KDM6A: variants seen among roughly 807,000 people sequenced by gnomAD.
KDM6A encodes the protein lysine-specific demethylase 6A.
KDM6A carries 11 observed loss-of-function variants against 117.6 expected under a neutral mutation model. That is an observed-to-expected ratio of 0.09 (90% CI 0.06 to 0.15). The LOEUF (loss-of-function observed/expected upper bound fraction) is 0.15, where lower values mean the gene tolerates loss of function less well. KDM6A is among the 10% of genes least tolerant of loss of function. The pLI is 1.00. For missense variants in KDM6A, 799 were observed against 1,077.3 expected (o/e 0.74, Z 3.62); for synonymous variants, 384 against 396.1 (o/e 0.97, Z 0.36).
At chrX:44,966,375 T>A (rs935113260) in intron 3 of KDM6A, among the ~76,000 whole-genome samples, 1 of 111,062 alleles carries the variant, frequency 9.0e-6, no homozygotes, top group Non-Finnish European at 1.9e-5. Context: ...ACCCCTGGGC[T>A]CCAGCGATCC....
At chrX:45,054,132 GT>G (rs928489295) in intron 10 of KDM6A, among the ~76,000 whole-genome samples, 177 bp downstream of exon 10, 1 of 111,920 alleles carries the variant, frequency 8.9e-6, no homozygotes, top group African/African-American at 3.2e-5. Flanking sequence ...AAATATGGTG[GT>G]TTTTTTATAG....
At chrX:45,107,577 C>A (rs2148290851) in intron 28 of KDM6A, 41 bp downstream of exon 28, 1 of 1,182,859 alleles carries the variant, frequency 8.5e-7, no homozygotes, top group Admixed American at 2.2e-5. Context: ...TATAAAGCCT[C>A]TTCCCTCTCC....
chrX:45,009,239 T>C (rs1402866567), intron 4 of KDM6A, among the ~76,000 whole-genome samples: 4 of 112,413 alleles, frequency 3.6e-5, no homozygotes, highest in Admixed American at 1.9e-4. Context: ...GGTGAATTAT[T>C]CATTAGTTTT....
chrX:45,082,177 G>A (rs185846502), intron 21 of KDM6A, among the ~76,000 whole-genome samples: 3 of 110,556 alleles, frequency 2.7e-5, no homozygotes, highest in Non-Finnish European at 3.8e-5. Context: ...GGTGATTCAC[G>A]CCTGTAATCC....
At chrX:45,096,049 A>G (rs2046093492) in intron 27 of KDM6A, among the ~76,000 whole-genome samples, 1 of 111,622 alleles carries the variant, frequency 9.0e-6, no homozygotes, top group African/African-American at 3.3e-5. Flanking sequence ...CCTTTGAATC[A>G]TCTTTTAATA....
intron 2 of KDM6A, among the ~76,000 whole-genome samples, chrX:44,958,671 G>A (rs1392342158): frequency 3.5e-5 from 3 of 86,194 alleles, no homozygotes; most frequent in African/African-American, 1.5e-4. Flanking sequence ...ACATGTGCCC[G>A]TAGACTTTCT....
At chrX:45,056,361 G>A (rs1384546309) in intron 10 of KDM6A, among the ~76,000 whole-genome samples, 1 of 111,547 alleles carries the variant, frequency 9.0e-6, no homozygotes, top group Non-Finnish European at 1.9e-5. Context: ...GAAATTTTGG[G>A]GTTTGATGAC....
intron 6 of KDM6A, among the ~76,000 whole-genome samples, chrX:45,025,477 T>C (rs1034347407): frequency 2.7e-5 from 3 of 112,641 alleles, no homozygotes; most frequent in Admixed American, 1.9e-4. Context: ...TCAGGACTTT[T>C]ATTTCATTAT....
chrX:45,003,858 T>TCTCTCTCCC (rs1185983898), intron 4 of KDM6A, among the ~76,000 whole-genome samples: 1 of 102,593 alleles, frequency 9.7e-6, no homozygotes, highest in Non-Finnish European at 2.0e-5. Flanking sequence ...TGCCTTCTCC[T>TCTCTCTCCC]CTCTCTCCCC....
chrX:45,054,742 T>A (rs1396920885), intron 10 of KDM6A, among the ~76,000 whole-genome samples: 1 of 112,135 alleles, frequency 8.9e-6, no homozygotes, highest in East Asian at 2.8e-4. Flanking sequence ...CTGATTCAGC[T>A]ACTGTTTGTG....
intron 3 of KDM6A, among the ~76,000 whole-genome samples, chrX:44,969,615 A>G (rs1435387747): frequency 9.2e-6 from 1 of 108,573 alleles, no homozygotes; most frequent in Non-Finnish European, 1.9e-5. Context: ...ACAGGGTTTC[A>G]CCGTGTTAGC....
In KDM6A at chrX:45,107,416, T is replaced by C. The variant is rs2148287678; in HGVS notation, c.4041T>C (p.Cys1347=). The change falls in exon 28 of 30, where the codon TGT becomes TGC. Residue 1347 remains cysteine (C), a synonymous_variant. Coordinates refer to ENST00000611820, the MANE Select transcript of KDM6A (RefSeq NM_001291415.2). ...AATTTCTCCCCCACAATAGGTATTG[T>C]CTTCTAAGAACTCTGAAGCAATGTC... ...DPKLFEMIKY[C]LLRTLKQCQT... 8.3e-7 allele frequency: 1 copy of C among 1,208,441 alleles called. No homozygotes were observed. Among genetic ancestry groups the C allele is most frequent in the Non-Finnish European group, 1.1e-6 (1 of 892,522 alleles).
intron 8 of KDM6A, among the ~76,000 whole-genome samples, chrX:45,040,786 C>T (rs1387940794): frequency 9.6e-5 from 7 of 73,056 alleles, no homozygotes; most frequent in Admixed American, 8.1e-4. Context: ...CCCCCCCAAC[C>T]TCCCTCCCGG....
chrX:45,083,541 T>C lies in KDM6A; in HGVS notation c.3522T>C (p.Val1174=). 2 of 1,208,822 alleles carry C rather than the reference T, an allele frequency of 1.7e-6. No homozygotes were observed. The highest frequency in any genetic ancestry group is 2.2e-6 in the Non-Finnish European group (2 of 892,689). Residue 1174 remains valine, a synonymous_variant, in exon 24 of 30, where the codon GTT becomes GTC. Transcript: ENST00000611820. Reference sequence around the variant, plus strand: ...CAGCAGGAAATCTTCTAAGCCATGTTGGTCATACCATATTGGGCATGAACA... The same window carrying C: ...CAGCAGGAAATCTTCTAAGCCATGTCGGTCATACCATATTGGGCATGAACA... The part of the protein sequence containing the change: ...VVSAGNLLSH[V]GHTILGMNTV...
At chrX:44,893,234 A>G (rs985310644) in intron 2 of KDM6A, among the ~76,000 whole-genome samples, 2 of 110,935 alleles carry the variant, frequency 1.8e-5, no homozygotes, top group African/African-American at 6.5e-5. Context: ...AATTGCATCA[A>G]ATCAACCTGG....
chrX:44,977,585 G>A (rs950155258), intron 4 of KDM6A, among the ~76,000 whole-genome samples: 7 of 111,480 alleles, frequency 6.3e-5, no homozygotes, highest in African/African-American at 9.8e-5. Flanking sequence ...ACTTTTGTTA[G>A]TGATTCTTTA....
chrX:44,877,879 T>C (rs374973176), intron 2 of KDM6A, among the ~76,000 whole-genome samples: 47 of 111,517 alleles, frequency 4.2e-4, no homozygotes, highest in African/African-American at 1.3e-3. Context: ...TTAAAACAGT[T>C]GGTGTTTTAA....
At chrX:45,030,748 C>T (rs755528689) in intron 6 of KDM6A, among the ~76,000 whole-genome samples, 1 of 111,125 alleles carries the variant, frequency 9.0e-6, no homozygotes, top group Non-Finnish European at 1.9e-5. Flanking sequence ...CTCACTCTGT[C>T]GCCCATGCTG....
chrX:44,919,740 A>G (rs2035790108), intron 2 of KDM6A, among the ~76,000 whole-genome samples: 1 of 106,604 alleles, frequency 9.4e-6, no homozygotes, highest in African/African-American at 3.5e-5. Flanking sequence ...TCCCAGGTTC[A>G]AGCAATTCTC....
Sources: gnomAD v4.1 joint callset for allele counts (sites outside exome capture counted in the v4.1 genomes callset) on GRCh38, gnomAD v4.1.1 for gene constraint, MANE v1.5 for transcripts, NCBI Gene and HGNC (gene_info 2026-07-23, HGNC 2026-07-21) for gene names.